SHROOM3: variants seen among roughly 807,000 people sequenced by gnomAD.
SHROOM3 encodes protein Shroom3.
In SHROOM3, 47 loss-of-function variants were observed where a neutral mutation model predicts 138.6. The observed-to-expected ratio is 0.34, with a 90% CI of 0.27 to 0.43. The LOEUF (loss-of-function observed/expected upper bound fraction) is 0.43. Among genes scored for constraint, SHROOM3 ranks in the 20% least tolerant of loss-of-function variants. The pLI is 1.00. For missense variants in SHROOM3, 2,491 were observed against 2,596.5 expected (o/e 0.96, Z 0.88); for synonymous variants, 1,062 against 1,063.3 (o/e 1.00, Z 0.02).
intron 2 of SHROOM3, among the ~76,000 whole-genome samples, chr4:76,594,532 CAT>C (rs1734342460): frequency 6.6e-6 from 1 of 152,326 alleles, no homozygotes; most frequent in South Asian, 2.1e-4. Flanking sequence ...AGTTAAAAAA[CAT>C]AAAATTAGAG....
chr4:76,552,010 C>A (rs370103059), intron 1 of SHROOM3, among the ~76,000 whole-genome samples: 1 of 133,250 alleles, frequency 7.5e-6, no homozygotes, highest in Non-Finnish European at 1.6e-5. Context: ...TACAGGCGCC[C>A]GCCATCACGC....
intron 2 of SHROOM3, among the ~76,000 whole-genome samples, chr4:76,561,395 C>T (rs964292871): frequency 6.6e-6 from 1 of 152,052 alleles, no homozygotes; most frequent in Non-Finnish European, 1.5e-5. Context: ...TATGTATATG[C>T]CAGGCTATAT....
intron 1 of SHROOM3, among the ~76,000 whole-genome samples, chr4:76,494,830 T>C (rs1055427919): frequency 2.0e-5 from 3 of 152,194 alleles, no homozygotes; most frequent in Admixed American, 1.3e-4. Context: ...ATTTGGCAAA[T>C]AGAGGTCGTT....
In SHROOM3 at chr4:76,739,486, A is replaced by G; in HGVS notation, c.1313A>G (p.Lys438Arg). 6.2e-7 allele frequency: 1 copy of G among 1,614,182 alleles called. No individual in the cohort carries two copies. Among genetic ancestry groups the G allele is most frequent in the Non-Finnish European group, 8.5e-7 (1 of 1,180,000 alleles). ...GAGCAGCTGCATACTGTGCTGGAGA[A>G]GAGTCCAGAGAACAGCCCCCCAGTG... Reference protein sequence around the residue: ...IEEQLHTVLEKSPENSPPVKP... With the variant: ...IEEQLHTVLERSPENSPPVKP... Residue 438 changes from lysine (K) to arginine (R), a missense_variant, in exon 5 of 11, where the codon AAG becomes AGG. By Grantham distance (26) the Lys-to-Arg change is conservative. This residue lies in a region of SHROOM3 where 1,733 missense variants were observed against 1,661.6 expected (regional missense o/e 1.04). Transcript: ENST00000296043.
At chr4:76,624,349 C>G (rs1026932231) in intron 2 of SHROOM3, among the ~76,000 whole-genome samples, 1 of 152,026 alleles carries the variant, frequency 6.6e-6, no homozygotes. Flanking sequence ...GCTTTAACAC[C>G]GAAGAGCTGT....
chr4:76,759,798 G>A (rs984267210), intron 9 of SHROOM3, 103 bp downstream of exon 9: 18 of 1,373,478 alleles, frequency 1.3e-5, no homozygotes, highest in Middle Eastern at 1.8e-4. Flanking sequence ...GGTGGGGAAA[G>A]GACCTGTCAC....
chr4:76,681,530 A>C (rs1719190937), intron 2 of SHROOM3, among the ~76,000 whole-genome samples: 1 of 150,848 alleles, frequency 6.6e-6, no homozygotes, highest in Non-Finnish European at 1.5e-5. Flanking sequence ...GTATCAGCCA[A>C]TTCAGGATCC....
At chr4:76,460,482 C>T (rs1479463542) in intron 1 of SHROOM3, among the ~76,000 whole-genome samples, 4 of 152,140 alleles carry the variant, frequency 2.6e-5, no homozygotes, top group Admixed American at 2.6e-4. Context: ...TTTATTAGAG[C>T]TGGCAAAACA....
chr4:76,668,517 G>A (rs1229979627), intron 2 of SHROOM3, among the ~76,000 whole-genome samples: 1 of 152,078 alleles, frequency 6.6e-6, no homozygotes, highest in Non-Finnish European at 1.5e-5. Flanking sequence ...AGGTTGCAGT[G>A]GGCTGAGATT....
intron 1 of SHROOM3, among the ~76,000 whole-genome samples, chr4:76,528,343 C>CT (rs75403198): frequency 0.038 from 1,475 of 38,376 alleles, 19 homozygotes; most frequent in African/African-American, 0.12. Context: ...TCTTCTTCTT[C>CT]TTTTTTTTTT....
Position 76,693,989 on chromosome 4 carries a change from C to T in SHROOM3, c.324-16167C>T, listed in dbSNP as rs962901180. Among the ~76,000 whole-genome samples the T allele has an allele frequency of 1.6e-4, 24 of 151,978 alleles. No individual in the cohort carries two copies. In the East Asian group the frequency reaches 4.3e-3, roughly 27 times the overall value. ...GTAGGTAGAAAAAAAAAACAAAACTCGATCTCTCTATCAAAATTAACGTCA... is the reference window on the plus strand; with the variant it reads ...GTAGGTAGAAAAAAAAAACAAAACTTGATCTCTCTATCAAAATTAACGTCA... On this transcript the variant is annotated intron_variant, in intron 2 of 10. Coordinates refer to ENST00000296043, the MANE Select transcript of SHROOM3 (RefSeq NM_020859.4).
chr4:76,493,019 G>A (rs1369975929), intron 1 of SHROOM3, among the ~76,000 whole-genome samples: 4 of 151,934 alleles, frequency 2.6e-5, no homozygotes, highest in East Asian at 1.9e-4. Flanking sequence ...TCAGGAGTTC[G>A]ACACCAACCT....
intron 2 of SHROOM3, among the ~76,000 whole-genome samples, chr4:76,663,980 A>T (rs1718614200): frequency 6.6e-6 from 1 of 152,208 alleles, no homozygotes; most frequent in Non-Finnish European, 1.5e-5. Flanking sequence ...ACCTTGTCTG[A>T]CTATTCAAAC....
At chr4:76,699,229 A>G (rs1486060399) in intron 2 of SHROOM3, among the ~76,000 whole-genome samples, 1 of 152,228 alleles carries the variant, frequency 6.6e-6, no homozygotes, top group Non-Finnish European at 1.5e-5. Context: ...GTGCCTCCCC[A>G]ACAAGACTGG....
rs147031404 is a variant in SHROOM3, at chr4:76,450,973, T to G, written c.168+14753T>G. Among the ~76,000 whole-genome samples, 210 of 151,554 alleles carry G rather than the reference T, an allele frequency of 1.4e-3. 8 individuals are homozygous for G. The East Asian group carries it at 0.037, about 27-fold the overall frequency. ...AGTATTGATTTTTTTTTTTTTGAGA[T>G]GGAGTTTAGATCTTTTGCACAGGCT... On this transcript the variant is annotated intron_variant, in intron 1 of 10. Transcript: ENST00000296043.
intron 2 of SHROOM3, among the ~76,000 whole-genome samples, chr4:76,562,566 G>C (rs979608143): frequency 1.3e-5 from 2 of 152,116 alleles, no homozygotes; most frequent in African/African-American, 2.4e-5. Context: ...TTAATAAAAA[G>C]GGTTGTGCAA....
At chr4:76,678,377 T>C (rs1190826186) in intron 2 of SHROOM3, among the ~76,000 whole-genome samples, 1 of 152,184 alleles carries the variant, frequency 6.6e-6, no homozygotes, top group Non-Finnish European at 1.5e-5. Flanking sequence ...TCAAAGGAAG[T>C]CATTTGCATT....
chr4:76,487,089 C>T (rs1004880025), intron 1 of SHROOM3, among the ~76,000 whole-genome samples: 1 of 152,144 alleles, frequency 6.6e-6, no homozygotes, highest in African/African-American at 2.4e-5. Flanking sequence ...AACAGTCATT[C>T]TCTGTTCCTC....
chr4:76,455,038 C>T (rs1040247010), intron 1 of SHROOM3, among the ~76,000 whole-genome samples: 2 of 151,998 alleles, frequency 1.3e-5, no homozygotes, highest in Non-Finnish European at 1.5e-5. Flanking sequence ...ATTCTAACAG[C>T]TTTTTTTGGT....
Sources: allele counts gnomAD v4.1 joint callset (sites outside exome capture counted in the v4.1 genomes callset), GRCh38; gene constraint gnomAD v4.1.1; regional missense constraint gnomAD v4.1.1; transcripts MANE v1.5; gene names NCBI Gene and HGNC (gene_info 2026-07-23, HGNC 2026-07-21).